The following GC variants were observed in gnomAD, a reference collection of about 807,000 sequenced individuals.
The protein encoded by GC is GC vitamin D binding protein, also known as vitamin D-binding protein.
A neutral mutation model predicts 56.7 loss-of-function variants in GC; 43 were observed. The ratio of observed to expected loss-of-function variants is 0.76; its 90% CI spans 0.59 to 0.98. The LOEUF is 0.98. Among genes scored for constraint, GC ranks in the 50% least tolerant of loss-of-function variants. The pLI, the probability that GC is intolerant of heterozygous loss-of-function variation, is 0.00. For synonymous variants in GC, 216 were observed against 202.7 expected (o/e 1.07, Z -0.56); for missense variants, 529 against 545.9 (o/e 0.97, Z 0.31).
At chr4:71,797,478 G>A (rs189606037) in intron 1 of GC, among the ~76,000 whole-genome samples, 278 of 152,368 alleles carry the variant, frequency 1.8e-3, no homozygotes, top group African/African-American at 6.3e-3. Context: ...GGCTCCATGG[G>A]CATGGGACCT....
At chr4:71,773,395 C>T (rs1742403185) in intron 1 of GC, among the ~76,000 whole-genome samples, 1 of 152,020 alleles carries the variant, frequency 6.6e-6, no homozygotes, top group East Asian at 1.9e-4. Context: ...CTGCTTCAGG[C>T]ACCTTACCTC....
chr4:71,775,458 C>A (rs531548557), intron 1 of GC, among the ~76,000 whole-genome samples: 47 of 151,846 alleles, frequency 3.1e-4, no homozygotes, highest in Admixed American at 1.3e-4. Flanking sequence ...CCCTGGCTAG[C>A]CATGTATGAT....
At chr4:71,788,691 A>AT (rs869150092), upstream of GC, among the ~76,000 whole-genome samples, 285 of 100,482 alleles carry the variant, frequency 2.8e-3, no homozygotes, top group African/African-American at 9.2e-3. Context: ...AAGAAAGAGA[A>AT]AAAAAGAAAA....
intron 7 of GC, among the ~76,000 whole-genome samples, 157 bp downstream of exon 7, chr4:71,757,885 G>T (rs1278109907): frequency 2.0e-5 from 3 of 152,086 alleles, no homozygotes; most frequent in African/African-American, 7.2e-5. Flanking sequence ...TTTCTCACCT[G>T]TACAGTGATG....
At chr4:71,752,894 C>A (rs1043952582) in intron 10 of GC, among the ~76,000 whole-genome samples, 4 of 152,084 alleles carry the variant, frequency 2.6e-5, no homozygotes, top group African/African-American at 9.7e-5. Flanking sequence ...GTCCAGTCTT[C>A]TTTCATTTGC....
At chr4:71,754,701 C>T (rs1741664463) in intron 9 of GC, among the ~76,000 whole-genome samples, 193 bp from the exon 10 acceptor site, 1 of 152,176 alleles carries the variant, frequency 6.6e-6, no homozygotes, top group African/African-American at 2.4e-5. Flanking sequence ...TGTACAGAAG[C>T]AGTTGTAAGC....
At chr4:71,785,369 C>T (rs898530903), upstream of GC, among the ~76,000 whole-genome samples, 32 of 151,662 alleles carry the variant, frequency 2.1e-4, no homozygotes, top group African/African-American at 7.7e-4. Context: ...TAAAGACAGC[C>T]CTGTGTCCAG....
At chr4:71,746,784 A>AAAAAAAAAAAAACAAAC (rs1553946448) in intron 11 of GC, among the ~76,000 whole-genome samples, 1 of 150,984 alleles carries the variant, frequency 6.6e-6, no homozygotes, top group African/African-American at 2.4e-5. Flanking sequence ...AAAAAAAAAA[A>AAAAAAAAAAAAACAAAC]AAAAAAAAAA....
At chr4:71,793,067 T>C (rs1743010839) in intron 1 of GC, among the ~76,000 whole-genome samples, 1 of 152,214 alleles carries the variant, frequency 6.6e-6, no homozygotes, top group African/African-American at 2.4e-5. Flanking sequence ...ACTGTAGCCT[T>C]GTAGCATAGT....
chr4:71,766,249 A>G (rs1742154205), intron 3 of GC, among the ~76,000 whole-genome samples: 1 of 152,232 alleles, frequency 6.6e-6, no homozygotes, highest in African/African-American at 2.4e-5. Context: ...TGGTTGCACA[A>G]CACAGAAATT....
At position 71,769,879 on chromosome 4, in the gene GC, G is replaced by C. The variant is rs924500309; in HGVS notation, c.59-479C>G. Among the ~76,000 whole-genome samples, 4 of 152,262 alleles carry C rather than the reference G, an allele frequency of 2.6e-5. No homozygotes were observed. In the South Asian group the frequency reaches 8.3e-4, roughly 32 times the overall value. Reference sequence around the variant, plus strand: ...GTCTCCACTCCAAGGTGAGGGGCTGGTGCCACTAATGCAGGACTTTAAAGG... The same window carrying C: ...GTCTCCACTCCAAGGTGAGGGGCTGCTGCCACTAATGCAGGACTTTAAAGG... On this transcript the variant is annotated intron_variant, in intron 1 of 12. Transcript: ENST00000273951.
upstream of GC, among the ~76,000 whole-genome samples, chr4:71,787,223 G>A (rs1201159994): frequency 6.6e-6 from 1 of 151,816 alleles, no homozygotes; most frequent in Non-Finnish European, 1.5e-5. Flanking sequence ...TATTTAAAAT[G>A]ACTTAGGCCA....
At chr4:71,803,993 G>A (rs1487332295) in exon 1 of GC, 6 of 1,229,746 alleles carry the variant, frequency 4.9e-6, no homozygotes, top group Admixed American at 2.0e-5. Flanking sequence ...GGTAGAATAG[G>A]TAGATATCAT....
intron 11 of GC, among the ~76,000 whole-genome samples, chr4:71,747,062 G>T (rs1408802125): frequency 1.3e-5 from 2 of 152,228 alleles, no homozygotes; most frequent in East Asian, 3.9e-4. Flanking sequence ...ATTTTATTTG[G>T]TGCATATGGA....
chr4:71,743,929 A>G (rs1247104346), intron 12 of GC, among the ~76,000 whole-genome samples: 1 of 152,216 alleles, frequency 6.6e-6, no homozygotes, highest in East Asian at 1.9e-4. Context: ...GATGATCAAA[A>G]TGTATTTGGG....
At chr4:71,787,114 A>G (rs1235970478), upstream of GC, among the ~76,000 whole-genome samples, 1 of 151,928 alleles carries the variant, frequency 6.6e-6, no homozygotes, top group Non-Finnish European at 1.5e-5. Context: ...CTGAATTTGC[A>G]ATGAAAAGCA....
chr4:71,764,228 G>A lies in GC; in HGVS notation c.474-292C>T, dbSNP rs1056600532. Among the ~76,000 whole-genome samples the A allele has an allele frequency of 5.3e-5, 8 of 152,098 alleles. No homozygotes were observed. The South Asian group carries it at 1.5e-3, about 28-fold the overall frequency. On this transcript the variant is annotated intron_variant, in intron 4 of 12. Coordinates refer to ENST00000273951, the MANE Select transcript of GC (RefSeq NM_000583.4). ...AACTCCTGGGCTCAAGTGATCCTCC[G>A]ACCTCAGCCTCTCAAAGTGCTAGGA...
chr4:71,765,654 A>C lies in GC; in HGVS notation c.262-11T>G. On this transcript the variant is annotated splice_polypyrimidine_tract_variant and intron_variant, in intron 3 of 12. Transcript: ENST00000273951. ...AGACAGTGCTGAGGTCTGGAGGAGAAGGAAAAAGGAAACTCATATATATAT... is the reference window on the plus strand; with the variant it reads ...AGACAGTGCTGAGGTCTGGAGGAGACGGAAAAAGGAAACTCATATATATAT... 6.5e-7 allele frequency: 1 copy of C among 1,533,994 alleles called. No homozygotes were observed. Among genetic ancestry groups the C allele is most frequent in the Non-Finnish European group, 9.0e-7 (1 of 1,107,734 alleles).
At chr4:71,774,224 G>A (rs1057049792) in intron 1 of GC, among the ~76,000 whole-genome samples, 5 of 152,050 alleles carry the variant, frequency 3.3e-5, no homozygotes, top group African/African-American at 4.8e-5. Context: ...AACAAATTGA[G>A]CGTCCTTTCA....
Sources: allele counts gnomAD v4.1 joint callset (sites outside exome capture counted in the v4.1 genomes callset), GRCh38; gene constraint gnomAD v4.1.1; transcripts MANE v1.5; gene names NCBI Gene and HGNC (gene_info 2026-07-23, HGNC 2026-07-21).